The following DENND2C variants were observed in gnomAD, a reference collection of about 807,000 sequenced individuals.
DENND2C encodes DENN domain-containing protein 2C.
A neutral mutation model predicts 112.4 loss-of-function variants in DENND2C; 72 were observed. That is an observed-to-expected ratio of 0.64 (90% CI 0.53 to 0.78). The LOEUF is 0.78. DENND2C is among the 30% of genes least tolerant of loss of function. DENND2C has a pLI of 0.00. For synonymous variants in DENND2C, 329 were observed against 381.6 expected (o/e 0.86, Z 1.61); for missense variants, 992 against 1,113.8 (o/e 0.89, Z 1.56).
chr1:114,638,630 T>G (rs1165125972), intron 3 of DENND2C, among the ~76,000 whole-genome samples: 8 of 151,152 alleles, frequency 5.3e-5, no homozygotes, highest in Non-Finnish European at 8.9e-5. Flanking sequence ...GGGCATGGCG[T>G]TGTGCGTCTG....
intron 16 of DENND2C, among the ~76,000 whole-genome samples, chr1:114,597,271 C>G (rs2101645369): frequency 6.6e-6 from 1 of 151,512 alleles, no homozygotes; most frequent in African/African-American, 2.4e-5. Flanking sequence ...TGGTGAAACC[C>G]CGTCTCTACT....
In DENND2C at chr1:114,596,630, T is replaced by C. The variant is rs563509777; in HGVS notation, c.2284-757A>G. Among the ~76,000 whole-genome samples, 68 of 152,204 alleles carry C rather than the reference T, an allele frequency of 4.5e-4. 1 individual carries two copies. In the South Asian group the frequency reaches 0.013, roughly 30 times the overall value. On this transcript the variant is annotated intron_variant, in intron 16 of 20. Coordinates refer to ENST00000393274, the MANE Select transcript of DENND2C (RefSeq NM_001256404.2). Reference sequence around the variant, plus strand: ...TTCAAAATATTATGGGAAAGAGGAATGGGTAAGAGTAAAGACAGGCCATGA... The same window carrying C: ...TTCAAAATATTATGGGAAAGAGGAACGGGTAAGAGTAAAGACAGGCCATGA...
intron 15 of DENND2C, 70 bp from the exon 16 acceptor site, chr1:114,599,521 T>C: frequency 3.9e-6 from 5 of 1,296,782 alleles, no homozygotes; most frequent in Non-Finnish European, 5.1e-6. Flanking sequence ...GTTATTATGT[T>C]AAAGAATTAA....
At chr1:114,639,750 C>T (rs1656769069) in intron 3 of DENND2C, among the ~76,000 whole-genome samples, 1 of 148,350 alleles carries the variant, frequency 6.7e-6, no homozygotes, top group South Asian at 2.1e-4. Flanking sequence ...GCTCTTGTTG[C>T]CCAGGCTGGA....
At chr1:114,606,799 C>T (rs933062162) in intron 10 of DENND2C, among the ~76,000 whole-genome samples, 1 of 152,152 alleles carries the variant, frequency 6.6e-6, no homozygotes, top group Non-Finnish European at 1.5e-5. Flanking sequence ...ACAAGTGGCC[C>T]ACAAGGTGCT....
intron 8 of DENND2C, among the ~76,000 whole-genome samples, chr1:114,614,346 T>C (rs2101657866): frequency 6.6e-6 from 1 of 152,164 alleles, no homozygotes; most frequent in East Asian, 1.9e-4. Context: ...ATTGTTGATA[T>C]ACAGACAAAA....
At chr1:114,598,225 G>A (rs1328963257) in intron 16 of DENND2C, among the ~76,000 whole-genome samples, 2 of 152,134 alleles carry the variant, frequency 1.3e-5, no homozygotes, top group Non-Finnish European at 2.9e-5. Flanking sequence ...CAACTCAAAT[G>A]TTCAACTGTA....
intron 8 of DENND2C, among the ~76,000 whole-genome samples, chr1:114,616,274 C>T (rs28420935): frequency 0.054 from 8,233 of 151,294 alleles, 328 homozygotes; most frequent in African/African-American, 0.1. Flanking sequence ...GCCTGTAATC[C>T]CAAGCTTCTC....
In DENND2C at chr1:114,604,924, C is replaced by T. The variant is rs1655615888; in HGVS notation, c.1665G>A (p.Lys555=). 3 of 1,608,732 alleles carry T rather than the reference C, an allele frequency of 1.9e-6. No homozygotes were observed. Among genetic ancestry groups the T allele is most frequent in the South Asian group, 1.1e-5 (1 of 90,934 alleles). ...SKDWMPTSEL[K]SETFSFVLTG... Reference sequence around the variant, plus strand: ...ATCAGATAAATTAGCCCATTTACCTCTTGAGTTCTGAGGTTGGCATCCAGT... The same window carrying T: ...ATCAGATAAATTAGCCCATTTACCTTTTGAGTTCTGAGGTTGGCATCCAGT... The change falls in exon 11 of 21, where the codon AAG becomes AAA. Residue 555 remains lysine (K), a splice_region_variant and synonymous_variant. Transcript: ENST00000393274.
At position 114,622,075 on chromosome 1, in the gene DENND2C, GAGA is replaced by G; in HGVS notation, c.1057-13_1057-11del. 6.6e-7 allele frequency: 1 copy of G among 1,525,302 alleles called. No individual in the cohort carries two copies. Among genetic ancestry groups the G allele is most frequent in the South Asian group, 1.3e-5 (1 of 79,428 alleles). 94.5% of individuals were successfully genotyped at this position (1,525,302 alleles called of 1,614,324 possible). A position where few individuals can be genotyped will look rare whatever the true frequency, so the allele number is the denominator to read the frequency against. On this transcript the variant is annotated splice_polypyrimidine_tract_variant and intron_variant, in intron 6 of 20. Coordinates refer to ENST00000393274, the MANE Select transcript of DENND2C (RefSeq NM_001256404.2). Reference sequence around the variant, plus strand: ...GAGGTTTTGGAGGGAGCTAAAACAGGAGAAGATGTACTGGTAAGATCACCTAGT... The same window carrying G: ...GAGGTTTTGGAGGGAGCTAAAACAGGAGATGTACTGGTAAGATCACCTAGT...
In DENND2C at chr1:114,625,430, G is replaced by C. The variant is rs374406910; in HGVS notation, c.555C>G (p.Tyr185Ter). Residue 185 changes from tyrosine to a stop codon, truncating the protein, a stop_gained, in exon 4 of 21, where the codon TAC becomes TAG. Coordinates refer to ENST00000393274, the MANE Select transcript of DENND2C (RefSeq NM_001256404.2). LOFTEE classifies it high-confidence loss of function. ...ELNFRVLDSS[Y>*]GITKSLENIY... ...TATTTTCTAAGCTCTTGGTTATTCCGTATGAACTATCCAGAACTCTGAAGT... is the reference window on the plus strand; with the variant it reads ...TATTTTCTAAGCTCTTGGTTATTCCCTATGAACTATCCAGAACTCTGAAGT... 6.2e-7 allele frequency: 1 copy of C among 1,613,944 alleles called. No individual in the cohort carries two copies. The highest frequency in any genetic ancestry group is 1.3e-5 in the African/African-American group (1 of 74,890).
intron 2 of DENND2C, among the ~76,000 whole-genome samples, chr1:114,647,697 A>G (rs764306685): frequency 2.0e-5 from 3 of 152,182 alleles, no homozygotes; most frequent in Non-Finnish European, 2.9e-5. Context: ...CTGAGATTAC[A>G]GATGTGAGCC....
chr1:114,587,395 C>T lies in DENND2C; in HGVS notation c.2747G>A (p.Arg916Gln), dbSNP rs139442561. Residue 916 changes from arginine (R) to glutamine (Q), a missense_variant, in exon 20 of 21, where the codon CGG becomes CAG. Arg to Gln is a conservative substitution (Grantham distance 43). Around this residue, in one of 3 missense-constraint regions of DENND2C, gnomAD observed 516 missense variants for 623.6 expected, o/e 0.83. Coordinates refer to ENST00000393274, the MANE Select transcript of DENND2C (RefSeq NM_001256404.2). Reference protein sequence around the residue: ...SEPSGMNRILRSLGSKMKFLQ... With the variant: ...SEPSGMNRILQSLGSKMKFLQ... ...AAAACACAGCAACTAACCAAGACTC[C>T]GCAAAATTCTATTCATCCCACTGGG... 1.7e-5 allele frequency: 27 copies of T among 1,614,002 alleles called. No homozygotes were observed. Among genetic ancestry groups the T allele is most frequent in the African/African-American group, 8.0e-5 (6 of 74,890 alleles).
In DENND2C at chr1:114,626,199, GAC is replaced by G. The variant is rs1406648398; in HGVS notation, c.-204-13_-204-12del. On this transcript the variant is annotated splice_polypyrimidine_tract_variant and intron_variant, in intron 3 of 20. Coordinates refer to ENST00000393274, the MANE Select transcript of DENND2C (RefSeq NM_001256404.2). ...TGATCTTGAATAATCCTGTTAAAAT[GAC>G]ACAAAAATATGTTAACACATTTTAT... 6.3e-6 allele frequency: 3 copies of G among 479,326 alleles called. No individual in the cohort carries two copies. Among genetic ancestry groups the G allele is most frequent in the Admixed American group, 3.7e-5 (1 of 26,952 alleles). The allele number at this position is 479,326 out of a possible 1,614,324, so 29.7% of individuals were successfully genotyped here.
At chr1:114,639,829 TTACAGGCATGAAC>T (rs1234746038) in intron 3 of DENND2C, among the ~76,000 whole-genome samples, 4 of 152,032 alleles carry the variant, frequency 2.6e-5, no homozygotes, top group African/African-American at 9.6e-5. Flanking sequence ...AGTGCTGAAA[TTACAGGCATGAAC>T]TACCTGGCCA....
At chr1:114,646,064 C>A (rs1438915024) in intron 2 of DENND2C, among the ~76,000 whole-genome samples, 1 of 151,872 alleles carries the variant, frequency 6.6e-6, no homozygotes, top group Non-Finnish European at 1.5e-5. Flanking sequence ...ATAGCTGGGA[C>A]TACAGGCGCC....
intron 18 of DENND2C, among the ~76,000 whole-genome samples, 164 bp downstream of exon 18, chr1:114,594,309 G>A (rs972660553): frequency 1.3e-5 from 2 of 152,158 alleles, no homozygotes; most frequent in African/African-American, 4.8e-5. Flanking sequence ...AAATAGAAGA[G>A]GACCTGGCAT....
At chr1:114,642,271 T>C (rs566352268) in intron 3 of DENND2C, among the ~76,000 whole-genome samples, 1 of 152,122 alleles carries the variant, frequency 6.6e-6, no homozygotes. Context: ...AGCAGGTAAA[T>C]ATTTCATGGT....
chr1:114,652,432 G>A (rs1017195476), intron 2 of DENND2C, among the ~76,000 whole-genome samples: 1 of 151,984 alleles, frequency 6.6e-6, no homozygotes, highest in African/African-American at 2.4e-5. Context: ...TGGGGGGTGG[G>A]CAGGCTATAG....
Sources: allele counts gnomAD v4.1 joint callset (sites outside exome capture counted in the v4.1 genomes callset), GRCh38; gene constraint gnomAD v4.1.1; regional missense constraint gnomAD v4.1.1; transcripts MANE v1.5; gene names NCBI Gene and HGNC (gene_info 2026-07-23, HGNC 2026-07-21).